Variants in KIDINS220 observed in about 807,000 individuals in gnomAD.
KIDINS220 encodes kinase D-interacting substrate of 220 kDa.
KIDINS220 carries 63 observed loss-of-function variants against 157.6 expected under a neutral mutation model. The observed-to-expected ratio is 0.40, with a 90% CI of 0.33 to 0.49. The LOEUF (loss-of-function observed/expected upper bound fraction) is 0.49, where lower values mean the gene tolerates loss of function less well. Among genes scored for constraint, KIDINS220 ranks in the 20% least tolerant of loss-of-function variants. KIDINS220 has a pLI of 0.66. For synonymous variants in KIDINS220, 732 were observed against 783.6 expected, an observed-to-expected ratio of 0.93 and a Z score of 1.10; for missense variants, 1,772 against 2,171.2, an observed-to-expected ratio of 0.82 and a Z score of 3.65.
At chr2:8,825,455 T>C (rs1305566151) in intron 2 of KIDINS220, among the ~76,000 whole-genome samples, 2 of 151,238 alleles carry the variant, frequency 1.3e-5, no homozygotes, top group African/African-American at 4.9e-5. Context: ...TCCTTAAAAA[T>C]GGTTAAGATA....
intron 1 of KIDINS220, among the ~76,000 whole-genome samples, chr2:8,828,214 G>A (rs143185382): frequency 6.6e-6 from 1 of 152,240 alleles, no homozygotes; most frequent in African/African-American, 2.4e-5. Context: ...ACCTCGCCAG[G>A]CCTCTGTGCT....
intron 26 of KIDINS220, among the ~76,000 whole-genome samples, chr2:8,738,037 G>C (rs1665122820): frequency 6.6e-6 from 1 of 151,910 alleles, no homozygotes; most frequent in South Asian, 2.1e-4. Flanking sequence ...CAGTCTCCTT[G>C]CTCTGGATAC....
At chr2:8,801,530 C>T (rs1010480766) in intron 8 of KIDINS220, among the ~76,000 whole-genome samples, 1 of 152,176 alleles carries the variant, frequency 6.6e-6, no homozygotes, top group Non-Finnish European at 1.5e-5. Flanking sequence ...GAATTTACAG[C>T]CTGGCAGAGA....
chr2:8,751,895 G>A (rs7608608), intron 22 of KIDINS220, among the ~76,000 whole-genome samples: 2 of 152,130 alleles, frequency 1.3e-5, no homozygotes, highest in Admixed American at 1.3e-4. Flanking sequence ...AGTAGAGACG[G>A]GGTTTCACCA....
chr2:8,796,240 G>T (rs572195897), intron 11 of KIDINS220, among the ~76,000 whole-genome samples: 2 of 152,178 alleles, frequency 1.3e-5, no homozygotes, highest in South Asian at 4.1e-4. Flanking sequence ...AGTACAGAAA[G>T]AAATAAGCTT....
intron 2 of KIDINS220, chr2:8,825,635 T>C (rs775360749): frequency 2.6e-5 from 4 of 152,156 alleles, no homozygotes; most frequent in Admixed American, 6.5e-5. Context: ...TCCTTATTCA[T>C]CTTATCTACT....
intron 27 of KIDINS220, 41 bp from the exon 28 acceptor site, chr2:8,734,794 TGTGAA>T: frequency 7.8e-6 from 11 of 1,402,956 alleles, no homozygotes; most frequent in Non-Finnish European, 1.0e-5. Flanking sequence ...AAAGACAGAA[TGTGAA>T]ATATTCTGAA....
At chr2:8,822,846 GA>G (rs1466606890) in intron 2 of KIDINS220, among the ~76,000 whole-genome samples, 2 of 152,090 alleles carry the variant, frequency 1.3e-5, no homozygotes, top group Non-Finnish European at 2.9e-5. Flanking sequence ...CCATCATTGA[GA>G]ATATTCATAG....
chr2:8,783,665 C>T (rs1454843254), intron 17 of KIDINS220, among the ~76,000 whole-genome samples: 2 of 152,080 alleles, frequency 1.3e-5, no homozygotes, highest in African/African-American at 4.8e-5. Context: ...TGATCACTTT[C>T]CTATATATCA....
chr2:8,762,765 A>G (rs1224707906), intron 22 of KIDINS220, among the ~76,000 whole-genome samples: 1 of 152,156 alleles, frequency 6.6e-6, no homozygotes, highest in Non-Finnish European at 1.5e-5. Context: ...GAAGAAAAGA[A>G]AAGAAAACCT....
intron 8 of KIDINS220, among the ~76,000 whole-genome samples, chr2:8,801,035 G>A (rs1468081047): frequency 6.6e-6 from 1 of 152,122 alleles, no homozygotes; most frequent in Non-Finnish European, 1.5e-5. Flanking sequence ...CAGGCCAGTA[G>A]TACATTAAGA....
At chr2:8,802,876 G>A (rs1432152728) in intron 8 of KIDINS220, 54 bp downstream of exon 8, 1 of 1,424,452 alleles carries the variant, frequency 7.0e-7, no homozygotes, top group Non-Finnish European at 9.8e-7. Context: ...AGACACTAAG[G>A]TCACCTTTCA....
At chr2:8,772,054 C>A (rs1322561503) in intron 21 of KIDINS220, among the ~76,000 whole-genome samples, 1 of 152,020 alleles carries the variant, frequency 6.6e-6, no homozygotes. Flanking sequence ...TGGGAAGGCA[C>A]GGGCTGGCAG....
rs1490485180 is a variant in KIDINS220, at chr2:8,803,843, TA to T, written c.604-717del. 1.6e-4 allele frequency among the ~76,000 whole-genome samples: 24 copies of T among 152,194 alleles called. No homozygotes were observed. The South Asian group carries it at 4.6e-3, about 29-fold the overall frequency. ...TAGGCAACATATGAGACTCTGTCTC[TA>T]AATAAACAAACAATAAATCAACTAA... On this transcript the variant is annotated intron_variant, in intron 7 of 29. Coordinates refer to ENST00000256707, the MANE Select transcript of KIDINS220 (RefSeq NM_020738.4).
At chr2:8,779,582 A>G in intron 18 of KIDINS220, 92 bp downstream of exon 18, 3 of 1,386,930 alleles carry the variant, frequency 2.2e-6, no homozygotes, top group Non-Finnish European at 2.9e-6. Flanking sequence ...ACAAAAACCA[A>G]TTCCGTTCTA....
chr2:8,815,079 T>G (rs1676863750), intron 4 of KIDINS220, among the ~76,000 whole-genome samples: 1 of 152,152 alleles, frequency 6.6e-6, no homozygotes, highest in Non-Finnish European at 1.5e-5. Context: ...GCCCAGAACT[T>G]TTTAACATCA....
At chr2:8,736,747 C>T (rs894362456) in intron 27 of KIDINS220, 121 bp downstream of exon 27, 51 of 1,079,712 alleles carry the variant, frequency 4.7e-5, no homozygotes, top group Non-Finnish European at 6.7e-5. Flanking sequence ...CCATTTAGAG[C>T]TTTCCCATTT....
rs902941663 is a variant in KIDINS220, at chr2:8,776,671, C to T, written c.2848+77G>A. ...GTAAACATATACACACAATACATAC[C>T]TTTGTTTCTGAAATTAAATGGTTTT... is the stretch of plus-strand genomic sequence containing the variant. On this transcript the variant is annotated intron_variant, in intron 21 of 29. Coordinates refer to ENST00000256707, the MANE Select transcript of KIDINS220 (RefSeq NM_020738.4). The T allele has an allele frequency of 1.7e-5, 22 of 1,328,170 alleles. No homozygotes were observed. In the Admixed American group the frequency reaches 3.1e-4, roughly 19 times the overall value. The allele number at this position is 1,328,170 out of a possible 1,614,324, so 82.3% of individuals were successfully genotyped here.
chr2:8,798,568 C>A (rs1399084490), intron 9 of KIDINS220, among the ~76,000 whole-genome samples: 1 of 152,188 alleles, frequency 6.6e-6, no homozygotes, highest in Non-Finnish European at 1.5e-5. Flanking sequence ...TTCAGGAACA[C>A]ACACTGGGTT....
Sources: gnomAD v4.1 joint callset for allele counts (sites outside exome capture counted in the v4.1 genomes callset) on GRCh38, gnomAD v4.1.1 for gene constraint, MANE v1.5 for transcripts, NCBI Gene and HGNC (gene_info 2026-07-23, HGNC 2026-07-21) for gene names.